Variants in ACOT12 observed in about 807,000 individuals in gnomAD.
The protein encoded by ACOT12 is acetyl-coenzyme A thioesterase.
In ACOT12, 51 loss-of-function variants were observed where a neutral mutation model predicts 67.7. The ratio of observed to expected loss-of-function variants is 0.75; its 90% CI spans 0.60 to 0.95. The LOEUF is 0.95. ACOT12 is among the 40% of genes least tolerant of loss of function. The probability of loss-of-function intolerance (pLI) is 0.00; values close to 1 mark genes in which losing one functional copy is unlikely to be tolerated. For synonymous variants in ACOT12, 251 were observed against 244.6 expected, an observed-to-expected ratio of 1.03 and a Z score of -0.24; for missense variants, 734 against 708.1, an observed-to-expected ratio of 1.04 and a Z score of -0.41.
At chr5:81,349,678 G>A (rs539639620) in intron 5 of ACOT12, among the ~76,000 whole-genome samples, 1 of 152,224 alleles carries the variant, frequency 6.6e-6, no homozygotes, top group East Asian at 1.9e-4. Context: ...TGACCCACTA[G>A]ATCCTAAGCT....
chr5:81,328,916 A>T (rs1443318950), downstream of ACOT12, among the ~76,000 whole-genome samples: 1 of 152,192 alleles, frequency 6.6e-6, no homozygotes, highest in African/African-American at 2.4e-5. Flanking sequence ...ACCACAGGTG[A>T]CTAATAATAC....
intron 11 of ACOT12, among the ~76,000 whole-genome samples, chr5:81,341,201 C>CATTAGTTA (rs1308953222): frequency 4.6e-5 from 7 of 152,144 alleles, no homozygotes; most frequent in African/African-American, 1.7e-4. Flanking sequence ...TAAACAAATG[C>CATTAGTTA]ATTAGTTAAA....
chr5:81,336,210 G>T (rs998284543), intron 11 of ACOT12, among the ~76,000 whole-genome samples: 1 of 150,770 alleles, frequency 6.6e-6, no homozygotes, highest in African/African-American at 2.4e-5. Context: ...TTGTCTCTTT[G>T]TGATGTTTCC....
chr5:81,364,178 T>C (rs1283985779), intron 3 of ACOT12, among the ~76,000 whole-genome samples: 1 of 151,504 alleles, frequency 6.6e-6, no homozygotes, highest in East Asian at 1.9e-4. Flanking sequence ...AATTATTAAA[T>C]TTTAGGTGAA....
intron 11 of ACOT12, among the ~76,000 whole-genome samples, chr5:81,340,812 A>G (rs1759172315): frequency 6.6e-6 from 1 of 152,386 alleles, no homozygotes; most frequent in Non-Finnish European, 1.5e-5. Context: ...AACATCTTTT[A>G]TCAGATTTTT....
chr5:81,373,388 C>T (rs551828773), intron 2 of ACOT12, among the ~76,000 whole-genome samples: 25 of 152,218 alleles, frequency 1.6e-4, no homozygotes, highest in Non-Finnish European at 2.9e-4. Context: ...AGGAGATTCC[C>T]TCCGGTGCCT....
rs1758767697 is a variant in ACOT12 at position 81,330,139 on chromosome 5, A to C, written c.*255T>G. 2 of 355,950 alleles carry C rather than the reference A, an allele frequency of 5.6e-6. No individual in the cohort carries two copies. Among genetic ancestry groups the C allele is most frequent in the African/African-American group, 2.0e-5 (1 of 49,074 alleles). 22.0% of individuals were successfully genotyped at this position (355,950 alleles called of 1,614,324 possible). A position where few individuals can be genotyped will look rare whatever the true frequency, so the allele number is the denominator to read the frequency against. On this transcript the variant is annotated 3_prime_UTR_variant, in exon 15 of 15. Coordinates refer to ENST00000307624, the MANE Select transcript of ACOT12 (RefSeq NM_130767.3). ...AGAACACATAGTACTGCATACAGGC[A>C]ATTTTCCACTATCTGTGCCCCTGGA...
chr5:81,346,438 G>A (rs575375166), intron 6 of ACOT12, among the ~76,000 whole-genome samples: 1 of 152,326 alleles, frequency 6.6e-6, no homozygotes, highest in East Asian at 1.9e-4. Flanking sequence ...TTCACCCACA[G>A]ATCAAAAGAT....
intron 3 of ACOT12, among the ~76,000 whole-genome samples, chr5:81,367,584 C>G (rs1378674174): frequency 6.6e-6 from 1 of 151,646 alleles, no homozygotes; most frequent in African/African-American, 2.4e-5. Context: ...AGTTAAAACA[C>G]CAACAGTGGA....
At position 81,346,016 on chromosome 5, in the gene ACOT12, A is replaced by G. The variant is rs752630818; in HGVS notation, c.654-12T>C. 16 of 1,612,706 alleles carry G rather than the reference A, an allele frequency of 9.9e-6. No homozygotes were observed. In the East Asian group the frequency reaches 3.1e-4, roughly 31 times the overall value. On this transcript the variant is annotated splice_polypyrimidine_tract_variant and intron_variant, in intron 6 of 14. Transcript: ENST00000307624. ...CCCAACACAGGCGGCTGGGGAGACA[A>G]AGGGAGGGAGAGAGAAGAAAGCGAT...
chr5:81,314,751 TAG>T, the ACOT12 span, among the ~76,000 whole-genome samples: 2 of 152,196 alleles, frequency 1.3e-5, no homozygotes, highest in Non-Finnish European at 2.9e-5. Flanking sequence ...ACAGGAGACT[TAG>T]GGAAAATACC....
intron 6 of ACOT12, among the ~76,000 whole-genome samples, chr5:81,346,882 G>A (rs1759398093): frequency 6.6e-6 from 1 of 152,120 alleles, no homozygotes; most frequent in Non-Finnish European, 1.5e-5. Flanking sequence ...ATTGTCAGAA[G>A]GGCAGATCCT....
At chr5:81,314,302 A>C in the ACOT12 span, among the ~76,000 whole-genome samples, 1 of 152,092 alleles carries the variant, frequency 6.6e-6, no homozygotes, top group East Asian at 1.9e-4. Context: ...ATGGGGTTTC[A>C]CCATGTTGGC....
At chr5:81,389,144 A>C (rs1457529164) in intron 1 of ACOT12, among the ~76,000 whole-genome samples, 1 of 152,226 alleles carries the variant, frequency 6.6e-6, no homozygotes, top group Non-Finnish European at 1.5e-5. Context: ...TAACTGAGAT[A>C]ATACACTAGG....
chr5:81,362,456 A>G (rs757900270), intron 4 of ACOT12, among the ~76,000 whole-genome samples: 3 of 152,242 alleles, frequency 2.0e-5, no homozygotes, highest in Non-Finnish European at 4.4e-5. Context: ...ATGAGCCACC[A>G]TGCTCGGCCG....
chr5:81,308,937 T>C, the ACOT12 span: 3 of 1,611,690 alleles, frequency 1.9e-6, no homozygotes, highest in South Asian at 1.1e-5. Context: ...GAACTGTTGA[T>C]TTTTACAGGC....
chr5:81,385,283 A>T (rs1326054423), intron 2 of ACOT12, among the ~76,000 whole-genome samples: 1 of 151,956 alleles, frequency 6.6e-6, no homozygotes, highest in Non-Finnish European at 1.5e-5. Context: ...CCCATCTCTA[A>T]AAATAAATAA....
At chr5:81,354,925 C>T (rs745949064) in intron 5 of ACOT12, among the ~76,000 whole-genome samples, 28 of 152,106 alleles carry the variant, frequency 1.8e-4, no homozygotes, top group Non-Finnish European at 1.9e-4. Flanking sequence ...CTCCTGATCT[C>T]AAGTGATCCG....
chr5:81,311,081 A>G, the ACOT12 span: 3 of 877,732 alleles, frequency 3.4e-6, no homozygotes, highest in Non-Finnish European at 5.6e-6. Flanking sequence ...GCACCTCCCT[A>G]TGATCCTGGT....
Sources: allele counts gnomAD v4.1 joint callset (sites outside exome capture counted in the v4.1 genomes callset), GRCh38; gene constraint gnomAD v4.1.1; transcripts MANE v1.5; gene names NCBI Gene and HGNC (gene_info 2026-07-23, HGNC 2026-07-21).